ABI1: variants seen among roughly 807,000 people sequenced by gnomAD.
ABI1 encodes the protein Abelson interactor 1.
Under a neutral mutation model 54.6 loss-of-function variants are expected in ABI1, and 14 were observed. That is an observed-to-expected ratio of 0.26 (90% CI 0.17 to 0.40). The LOEUF is 0.40. Ranked by LOEUF, ABI1 falls within the 10% of genes least tolerant of loss-of-function variation. The pLI, the probability that ABI1 is intolerant of heterozygous loss-of-function variation, is 1.00. For missense variants in ABI1, 443 were observed against 598.3 expected (o/e 0.74, Z 2.71); for synonymous variants, 194 against 209.3 (o/e 0.93, Z 0.63).
At chr10:26,832,588 A>G (rs1312853510) in intron 1 of ABI1, among the ~76,000 whole-genome samples, 2 of 152,046 alleles carry the variant, frequency 1.3e-5, no homozygotes, top group Admixed American at 1.3e-4. Context: ...CATCTCAAAA[A>G]ATAAAATAAA....
intron 2 of ABI1, among the ~76,000 whole-genome samples, chr10:26,819,323 C>A (rs1408039951): frequency 6.6e-6 from 1 of 152,066 alleles, no homozygotes; most frequent in Non-Finnish European, 1.5e-5. Flanking sequence ...CTGAAGAATA[C>A]TACCCAAGAT....
At chr10:26,763,296 C>T (rs1300539050) in intron 7 of ABI1, among the ~76,000 whole-genome samples, 1 of 152,210 alleles carries the variant, frequency 6.6e-6, no homozygotes, top group Non-Finnish European at 1.5e-5. Context: ...ATGGTTTTTA[C>T]ATTGACATTT....
intron 3 of ABI1, among the ~76,000 whole-genome samples, chr10:26,771,735 A>G (rs574680620): frequency 3.3e-5 from 5 of 152,294 alleles, no homozygotes; most frequent in Admixed American, 2.6e-4. Context: ...CTGAACCCCA[A>G]TCCTGTGCAG....
At chr10:26,842,046 C>T (rs1432231864) in intron 1 of ABI1, among the ~76,000 whole-genome samples, 1 of 152,208 alleles carries the variant, frequency 6.6e-6, no homozygotes, top group African/African-American at 2.4e-5. Flanking sequence ...CACACTCCCA[C>T]CAACAGTGTA....
chr10:26,764,380 C>T (rs929915835), intron 7 of ABI1, among the ~76,000 whole-genome samples: 2 of 152,104 alleles, frequency 1.3e-5, no homozygotes, highest in Admixed American at 6.5e-5. Flanking sequence ...TTTTATTTTA[C>T]ATTTATTGCA....
intron 10 of ABI1, among the ~76,000 whole-genome samples, chr10:26,750,226 C>T (rs1195577772): frequency 2.0e-5 from 3 of 152,198 alleles, no homozygotes; most frequent in Non-Finnish European, 2.9e-5. Context: ...AGGCCACGCT[C>T]GGCTCATGCC....
At position 26,860,408 on chromosome 10, in the gene ABI1, A is replaced by C. The variant is rs1231077898; in HGVS notation, c.117+339T>G. Reference sequence around the variant, plus strand: ...ACTCCAGCCCTGCGGACTGGAGGCTACCTGGGGGGCGCGCGACCCCGGTGG... The same window carrying C: ...ACTCCAGCCCTGCGGACTGGAGGCTCCCTGGGGGGCGCGCGACCCCGGTGG... On this transcript the variant is annotated intron_variant, in intron 1 of 10. Transcript: ENST00000376140. This position sits in a 1 kb window ranked among gnomAD's most constrained non-coding sequence, Gnocchi z 4.1. Among the ~76,000 whole-genome samples, 1 of 151,952 alleles carries C rather than the reference A, an allele frequency of 6.6e-6. No individual in the cohort carries two copies. Among genetic ancestry groups the C allele is most frequent in the East Asian group, 1.9e-4 (1 of 5,160 alleles).
At chr10:26,790,326 C>A (rs1467617093) in intron 2 of ABI1, among the ~76,000 whole-genome samples, 1 of 152,146 alleles carries the variant, frequency 6.6e-6, no homozygotes, top group Non-Finnish European at 1.5e-5. Flanking sequence ...AATAGCCATT[C>A]TGACTGGTAT....
At chr10:26,787,523 T>C (rs192047435) in intron 2 of ABI1, among the ~76,000 whole-genome samples, 353 of 152,158 alleles carry the variant, frequency 2.3e-3, no homozygotes, top group African/African-American at 8.2e-3. Context: ...TTCTGAATCA[T>C]AGAAGTCCAA....
chr10:26,747,292 C>G lies in ABI1; in HGVS notation c.*1278G>C. The G allele has an allele frequency of 4.4e-6, 1 of 226,182 alleles. No individual in the cohort carries two copies. Among genetic ancestry groups the G allele is most frequent in the East Asian group, 6.4e-5 (1 of 15,652 alleles). The allele number at this position is 226,182 out of a possible 1,614,324, so 14.0% of individuals were successfully genotyped here. A position where few individuals can be genotyped will look rare whatever the true frequency, so the allele number is the denominator to read the frequency against. The stretch of plus-strand genomic sequence containing the variant: ...CAAGACAAGAAGAGAAAACATCCCT[C>G]AGCCCTCCCTTCAATTAAGAGGAGA... On this transcript the variant is annotated 3_prime_UTR_variant, in exon 11 of 11. Coordinates refer to ENST00000376140, the MANE Select transcript of ABI1 (RefSeq NM_001012750.3).
intron 9 of ABI1, among the ~76,000 whole-genome samples, chr10:26,754,526 G>A (rs1010941976): frequency 5.9e-5 from 9 of 152,144 alleles, no homozygotes; most frequent in African/African-American, 2.2e-4. Flanking sequence ...GTCTTAAACT[G>A]CTGGTATTCT....
intron 1 of ABI1, among the ~76,000 whole-genome samples, chr10:26,833,265 T>C (rs61848590): frequency 9.9e-5 from 15 of 152,214 alleles, no homozygotes; most frequent in Non-Finnish European, 1.9e-4. Context: ...ACTGCTAGCA[T>C]ACTTACTCAG....
At chr10:26,810,884 TAAAG>T (rs930688658) in intron 2 of ABI1, among the ~76,000 whole-genome samples, 1 of 150,750 alleles carries the variant, frequency 6.6e-6, no homozygotes, top group Non-Finnish European at 1.5e-5. Flanking sequence ...CAGGAAATGT[TAAAG>T]GAAGGAAAAA....
chr10:26,806,031 GCCA>G (rs1326660428), intron 2 of ABI1, among the ~76,000 whole-genome samples: 2 of 152,168 alleles, frequency 1.3e-5, no homozygotes, highest in Non-Finnish European at 2.9e-5. Context: ...TTTCTCTAAT[GCCA>G]TTACCTCAGA....
chr10:26,779,953 T>C (rs905499329), intron 2 of ABI1, among the ~76,000 whole-genome samples: 1 of 152,218 alleles, frequency 6.6e-6, no homozygotes, highest in African/African-American at 2.4e-5. Flanking sequence ...AGAATCTAGA[T>C]AATTCTTGCT....
chr10:26,764,704 T>C (rs1839693008), intron 7 of ABI1, among the ~76,000 whole-genome samples: 1 of 152,234 alleles, frequency 6.6e-6, no homozygotes, highest in Non-Finnish European at 1.5e-5. Flanking sequence ...ACATCTGTCC[T>C]GAACATGTGC....
intron 1 of ABI1, among the ~76,000 whole-genome samples, chr10:26,824,610 G>GAA (rs35745137): frequency 2.0e-5 from 3 of 146,780 alleles, no homozygotes; most frequent in East Asian, 2.0e-4. Context: ...TTGCTAAGGT[G>GAA]AAAAAAAAAA....
intron 2 of ABI1, among the ~76,000 whole-genome samples, chr10:26,812,273 T>C (rs2047289247): frequency 6.6e-6 from 1 of 152,186 alleles, no homozygotes. Context: ...CAATACAGCA[T>C]AGCATGGTTC....
chr10:26,796,535 G>T (rs371522664), intron 2 of ABI1, among the ~76,000 whole-genome samples: 2 of 151,004 alleles, frequency 1.3e-5, no homozygotes, highest in Non-Finnish European at 2.9e-5. Flanking sequence ...CTAGGTTTGC[G>T]TAAGTACACT....
Sources: gnomAD v4.1 joint callset for allele counts (sites outside exome capture counted in the v4.1 genomes callset) on GRCh38, gnomAD v4.1.1 for gene constraint, Gnocchi (gnomAD v3.1) non-coding constraint, MANE v1.5 for transcripts, NCBI Gene and HGNC (gene_info 2026-07-23, HGNC 2026-07-21) for gene names.